Variants in SETD2 observed in about 807,000 individuals in gnomAD.
SETD2 encodes the protein SET domain containing 2, histone lysine methyltransferase, also known as histone-lysine N-methyltransferase SETD2.
Under a neutral mutation model 242.1 loss-of-function variants are expected in SETD2, and 31 were observed. The observed-to-expected ratio is 0.13, with a 90% CI of 0.10 to 0.17. SETD2 has a LOEUF of 0.17. Ranked by LOEUF, SETD2 falls within the 10% of genes least tolerant of loss-of-function variation. The pLI, the probability that SETD2 is intolerant of heterozygous loss-of-function variation, is 1.00. For synonymous variants in SETD2, 1,006 were observed against 1,066.5 expected (o/e 0.94, Z 1.11); for missense variants, 2,481 against 3,046.3 (o/e 0.81, Z 4.37).
chr3:47,048,959 C>A (rs977189423), intron 15 of SETD2, among the ~76,000 whole-genome samples: 8 of 151,992 alleles, frequency 5.3e-5, no homozygotes, highest in African/African-American at 1.7e-4. Context: ...AGCCACCGTG[C>A]CTGGCCTATA....
chr3:47,080,934 A>C, intron 12 of SETD2: 1 of 986,960 alleles, frequency 1.0e-6, no homozygotes, highest in Non-Finnish European at 1.2e-6. Context: ...TTTTTCATGC[A>C]TCATCCAACT....
chr3:47,031,213 T>G (rs1008632292), intron 18 of SETD2, among the ~76,000 whole-genome samples: 1 of 152,180 alleles, frequency 6.6e-6, no homozygotes, highest in African/African-American at 2.4e-5. Context: ...AACCCACAAA[T>G]GTACAATACC....
At position 47,123,447 on chromosome 3, in the gene SETD2, C is replaced by G. The variant is rs2106704035; in HGVS notation, c.1189G>C (p.Glu397Gln). 1.9e-6 allele frequency: 3 copies of G among 1,551,582 alleles called. No homozygotes were observed. The highest frequency in any genetic ancestry group is 2.6e-6 in the Non-Finnish European group (3 of 1,146,972). The change falls in exon 3 of 21, where the codon GAA becomes CAA. Residue 397 changes from glutamate to glutamine, a missense_variant. Physicochemically the swap from Glu to Gln is conservative, Grantham distance 29. Transcript: ENST00000409792. The part of the protein sequence containing the change: ...TRYVSSRCRS[E>Q]RERRRSRSHS... ...GATCTGCTCCGCCGTCGCTCTCTTTCTGATCTACATCGGGAAGATACATAC... is the reference window on the plus strand; with the variant it reads ...GATCTGCTCCGCCGTCGCTCTCTTTGTGATCTACATCGGGAAGATACATAC...
chr3:47,019,217 A>AGCGTT (rs2038111023), intron 19 of SETD2, among the ~76,000 whole-genome samples: 1 of 152,226 alleles, frequency 6.6e-6, no homozygotes, highest in Admixed American at 6.5e-5. Context: ...CAGAAAGAGA[A>AGCGTT]CTGGACTTTG....
chr3:47,034,569 G>A (rs1451060258), intron 18 of SETD2, among the ~76,000 whole-genome samples: 11 of 152,168 alleles, frequency 7.2e-5, no homozygotes, highest in East Asian at 1.9e-4. Flanking sequence ...AGGCTGAGAC[G>A]AAAGGATTAC....
chr3:47,016,833 A>C lies in SETD2; in HGVS notation c.*260T>G. ...AAGACCCAGGTTTAAGAGTGGAGTC[A>C]GGTCTGGCCAGGGTCTTTTCTAAGC... is the stretch of plus-strand genomic sequence containing the variant. On this transcript the variant is annotated 3_prime_UTR_variant, in exon 21 of 21. Transcript: ENST00000409792. The C allele has an allele frequency of 2.3e-6, 1 of 443,174 alleles. No individual in the cohort carries two copies. The highest frequency in any genetic ancestry group is 4.1e-6 in the Non-Finnish European group (1 of 246,580). The allele number at this position is 443,174 out of a possible 1,614,324, so 27.5% of individuals were successfully genotyped here.
At chr3:47,134,876 G>A (rs1181687641) in intron 1 of SETD2, among the ~76,000 whole-genome samples, 5 of 152,100 alleles carry the variant, frequency 3.3e-5, no homozygotes, top group East Asian at 1.9e-4. Flanking sequence ...AACCCACCTC[G>A]GTCTCCCAAA....
chr3:47,133,265 G>C (rs1202029864), intron 1 of SETD2, among the ~76,000 whole-genome samples: 1 of 152,098 alleles, frequency 6.6e-6, no homozygotes. Flanking sequence ...TGTGGTCCAG[G>C]TTGGTCTCGA....
At chr3:47,102,479 A>G (rs2042250510) in intron 7 of SETD2, among the ~76,000 whole-genome samples, 1 of 152,214 alleles carries the variant, frequency 6.6e-6, no homozygotes, top group African/African-American at 2.4e-5. Flanking sequence ...GAGCGGGTTC[A>G]TAGCTTTAAC....
At chr3:47,050,723 C>CTCTTTTTTTTT (rs1553682525) in intron 15 of SETD2, among the ~76,000 whole-genome samples, 19 of 66,882 alleles carry the variant, frequency 2.8e-4, no homozygotes, top group Non-Finnish European at 4.2e-4. Context: ...TTTCCTCTCT[C>CTCTTTTTTTTT]TTTTTTTTTT....
chr3:47,102,638 A>T (rs1022018042), intron 7 of SETD2, among the ~76,000 whole-genome samples: 11 of 152,002 alleles, frequency 7.2e-5, no homozygotes, highest in Non-Finnish European at 1.6e-4. Context: ...TAAAAATACT[A>T]AAAAAATTAG....
intron 2 of SETD2, among the ~76,000 whole-genome samples, chr3:47,125,030 T>G (rs528916251): frequency 6.2e-4 from 94 of 152,160 alleles, no homozygotes; most frequent in African/African-American, 2.2e-3. Context: ...GTAAAAATAC[T>G]CATCTGGGTC....
Position 47,160,307 on chromosome 3 carries a change from T to C in SETD2, c.71+3547A>G, listed in dbSNP as rs549456951. On this transcript the variant is annotated intron_variant, in intron 1 of 20. Coordinates refer to ENST00000409792, the MANE Select transcript of SETD2 (RefSeq NM_014159.7). The stretch of plus-strand genomic sequence containing the variant: ...ACTCTACATTATTTATTTAATTTTA[T>C]TATTTTTTTTTCGAGATGGAATCTC... Among the ~76,000 whole-genome samples, 9 of 152,150 alleles carry C rather than the reference T, an allele frequency of 5.9e-5. No individual in the cohort carries two copies. The South Asian group carries it at 1.9e-3, about 32-fold the overall frequency.
chr3:47,164,062 C>T lies in SETD2; in HGVS notation c.-138G>A. 1 of 1,205,480 alleles carries T rather than the reference C, an allele frequency of 8.3e-7. No homozygotes were observed. The highest frequency in any genetic ancestry group is 1.0e-6 in the Non-Finnish European group (1 of 966,138). The allele number at this position is 1,205,480 out of a possible 1,614,324, so 74.7% of individuals were successfully genotyped here. On this transcript the variant is annotated 5_prime_UTR_variant, in exon 1 of 21. Transcript: ENST00000409792. The surrounding 1 kb of genome is among the most constrained non-coding windows in gnomAD (Gnocchi z 5.4). ...GCGGCGGCAGGGGCGGCCCGCGTCG[C>T]TACCTCGCTCGTCGCTCCCTCCCTC...
chr3:47,109,612 C>T (rs2042572701), intron 5 of SETD2, among the ~76,000 whole-genome samples: 1 of 152,012 alleles, frequency 6.6e-6, no homozygotes. Context: ...CGCGCCACTG[C>T]ATTCAAGCCT....
intron 18 of SETD2, among the ~76,000 whole-genome samples, chr3:47,037,046 A>G (rs957922740): frequency 7.2e-6 from 1 of 139,640 alleles, no homozygotes; most frequent in Admixed American, 7.3e-5. Context: ...CTCAATGTCT[A>G]AAAAAGGCCA....
chr3:47,025,134 G>A (rs923578052), intron 18 of SETD2, among the ~76,000 whole-genome samples: 4 of 152,096 alleles, frequency 2.6e-5, no homozygotes, highest in African/African-American at 9.7e-5. Flanking sequence ...GCCACTGCAG[G>A]GAGCTCAAAC....
chr3:47,155,309 T>G (rs1034244958), intron 1 of SETD2, among the ~76,000 whole-genome samples: 3 of 152,302 alleles, frequency 2.0e-5, no homozygotes, highest in Admixed American at 6.5e-5. Context: ...GGTAACACTA[T>G]CAGATATTTA....
intron 18 of SETD2, among the ~76,000 whole-genome samples, chr3:47,036,585 A>C (rs150709668): frequency 6.6e-5 from 10 of 152,100 alleles, no homozygotes; most frequent in African/African-American, 2.2e-4. Flanking sequence ...TCACGAAAGC[A>C]TATGTTATGG....
Sources: allele counts gnomAD v4.1 joint callset (sites outside exome capture counted in the v4.1 genomes callset), GRCh38; gene constraint gnomAD v4.1.1; non-coding constraint Gnocchi (gnomAD v3.1); transcripts MANE v1.5; gene names NCBI Gene and HGNC (gene_info 2026-07-23, HGNC 2026-07-21).